Variants in PSD3 observed in about 807,000 individuals in gnomAD.
PSD3 encodes pleckstrin and Sec7 domain containing 3, also known as PH and SEC7 domain-containing protein 3.
PSD3 carries 49 observed loss-of-function variants against 105.5 expected under a neutral mutation model. The observed-to-expected ratio is 0.46, with a 90% confidence interval of 0.37 to 0.59. The LOEUF is 0.59. PSD3 is among the 20% of genes least tolerant of loss of function. The pLI, the probability that PSD3 is intolerant of heterozygous loss-of-function variation, is 0.00. For synonymous variants in PSD3, 557 were observed against 457.8 expected, an observed-to-expected ratio of 1.22 and a Z score of -2.77; for missense variants, 1,561 against 1,263.8, an observed-to-expected ratio of 1.24 and a Z score of -3.57.
intron 1 of PSD3, among the ~76,000 whole-genome samples, chr8:18,973,778 G>A (rs10503641): frequency 0.18 from 28,082 of 152,204 alleles, 3,062 homozygotes; most frequent in Non-Finnish European, 0.24. Context: ...TGGACTAGAT[G>A]AAGTTTAAGC....
rs547539697 is a variant in PSD3, at chr8:18,531,493, C to T, written c.*4250G>A. The T allele has an allele frequency of 6.6e-5, 10 of 152,308 alleles. No homozygotes were observed. The highest frequency in any genetic ancestry group is 3.9e-4 in the East Asian group (2 of 5,188). The allele number at this position is 152,308 out of a possible 1,614,324, so 9.4% of individuals were successfully genotyped here. On this transcript the variant is annotated 3_prime_UTR_variant, in exon 16 of 16. Coordinates refer to ENST00000327040, the MANE Select transcript of PSD3 (RefSeq NM_015310.4). Reference sequence around the variant, plus strand: ...GCCCCTCTCTATTGCTATCAATAATCTATCACGGGGTTATTCTGTGATGAT... The same window carrying T: ...GCCCCTCTCTATTGCTATCAATAATTTATCACGGGGTTATTCTGTGATGAT...
intron 1 of PSD3, among the ~76,000 whole-genome samples, chr8:19,004,484 A>C (rs1419524927): frequency 6.6e-6 from 1 of 152,130 alleles, no homozygotes; most frequent in Non-Finnish European, 1.5e-5. Flanking sequence ...CAGGAAGAAG[A>C]AACAGAAAAG....
intron 1 of PSD3, among the ~76,000 whole-genome samples, chr8:18,966,952 T>C (rs1824296286): frequency 6.6e-6 from 1 of 152,156 alleles, no homozygotes; most frequent in Non-Finnish European, 1.5e-5. Flanking sequence ...CACTTTGCTA[T>C]TAAGTGTAGT....
chr8:18,624,843 A>G (rs1003569274), intron 11 of PSD3, among the ~76,000 whole-genome samples: 2 of 151,990 alleles, frequency 1.3e-5, no homozygotes, highest in African/African-American at 2.4e-5. Context: ...CTTTACTTTT[A>G]GTGTAATTAT....
At chr8:19,009,800 A>G (rs979005062) in intron 1 of PSD3, among the ~76,000 whole-genome samples, 2 of 149,316 alleles carry the variant, frequency 1.3e-5, no homozygotes, top group Non-Finnish European at 2.9e-5. Flanking sequence ...CTGAGACAGG[A>G]GAATTGCTTG....
intron 9 of PSD3, among the ~76,000 whole-genome samples, chr8:18,752,387 T>A (rs1479183023): frequency 7.0e-6 from 1 of 142,760 alleles, no homozygotes; most frequent in African/African-American, 2.6e-5. Context: ...TCCTTAAGAA[T>A]ACTGGAAGGA....
chr8:18,734,758 G>A lies in PSD3; in HGVS notation c.2172+30691C>T, dbSNP rs553667027. Among the ~76,000 whole-genome samples, 7 of 152,238 alleles carry A rather than the reference G, an allele frequency of 4.6e-5. No individual in the cohort carries two copies. The South Asian group carries it at 8.3e-4, about 18-fold the overall frequency. On this transcript the variant is annotated intron_variant, in intron 9 of 15. Transcript: ENST00000327040. ...TCTCCAGCTTTAAGCCTGTGAACCC[G>A]TAACTGTAAATATAAAAGTCAACAA...
In PSD3 at chr8:18,936,258, C is replaced by T. The variant is rs375153139; in HGVS notation, c.22-116G>A. The T allele has an allele frequency of 2.9e-5, 19 of 658,996 alleles. 1 individual carries two copies. The highest frequency in any genetic ancestry group is 1.8e-4 in the African/African-American group (10 of 55,774). 40.8% of individuals were successfully genotyped at this position (658,996 alleles called of 1,614,324 possible). A position where few individuals can be genotyped will look rare whatever the true frequency, so the allele number is the denominator to read the frequency against. Reference sequence around the variant, plus strand: ...ATAATTATGACATATGTACTCAAAGCTATCTAACCATTCAAAATGAAACAT... The same window carrying T: ...ATAATTATGACATATGTACTCAAAGTTATCTAACCATTCAAAATGAAACAT... On this transcript the variant is annotated intron_variant, in intron 1 of 15. Coordinates refer to ENST00000327040, the MANE Select transcript of PSD3 (RefSeq NM_015310.4).
intron 9 of PSD3, among the ~76,000 whole-genome samples, chr8:18,665,806 G>A (rs887762145): frequency 2.0e-5 from 3 of 152,186 alleles, no homozygotes; most frequent in East Asian, 1.9e-4. Context: ...AGCTGTGATC[G>A]TGCCACTGCA....
At chr8:18,935,895 G>C (rs1346042162) in intron 2 of PSD3, 139 bp downstream of exon 2, 1 of 575,078 alleles carries the variant, frequency 1.7e-6, no homozygotes, top group African/African-American at 1.8e-5. Context: ...TACATCTTGG[G>C]AAGATTGTTT....
intron 9 of PSD3, among the ~76,000 whole-genome samples, chr8:18,678,411 C>T (rs1800188676): frequency 6.6e-6 from 1 of 152,180 alleles, no homozygotes; most frequent in South Asian, 2.1e-4. Context: ...CCATCAACTT[C>T]TTTTAAAAAA....
rs751450102 is a variant in PSD3 at position 18,575,248 on chromosome 8, T to C, written c.2519A>G (p.Asp840Gly). 2 of 1,612,860 alleles carry C rather than the reference T, an allele frequency of 1.2e-6. No homozygotes were observed. Among genetic ancestry groups the C allele is most frequent in the Non-Finnish European group, 1.7e-6 (2 of 1,179,392 alleles). The stretch of plus-strand genomic sequence containing the variant: ...GTGCACACTCACAGCGTTTTTCAAG[T>C]CCTCTTCAGACAAGGCCTTTTCTGG... ...YKPEKALSEE[D>G]LKNAVSVHHA... Residue 840 changes from aspartate to glycine, a missense_variant, in exon 13 of 16, where the codon GAC becomes GGC. Physicochemically the swap from Asp to Gly is moderately conservative, Grantham distance 94 (BLOSUM62 -1). Transcript: ENST00000327040.
intron 12 of PSD3, among the ~76,000 whole-genome samples, chr8:18,588,739 T>C (rs1161269364): frequency 6.6e-6 from 1 of 152,184 alleles, no homozygotes; most frequent in Non-Finnish European, 1.5e-5. Context: ...GTTTACAAAG[T>C]TGTTCCCTTG....
At chr8:18,867,512 T>C (rs1350288743) in intron 4 of PSD3, among the ~76,000 whole-genome samples, 162 bp downstream of exon 4, 1 of 152,180 alleles carries the variant, frequency 6.6e-6, no homozygotes, top group East Asian at 1.9e-4. Context: ...CTAAGGTGTG[T>C]CTTTCCTGCC....
intron 12 of PSD3, among the ~76,000 whole-genome samples, chr8:18,593,640 T>G (rs1381011214): frequency 6.6e-6 from 1 of 151,990 alleles, no homozygotes; most frequent in Non-Finnish European, 1.5e-5. Context: ...ACCCAAAGGA[T>G]TATAAATCAT....
Position 18,558,698 on chromosome 8 carries a change from G to A in PSD3, c.2785-2346C>T, listed in dbSNP as rs528847785. 3.9e-5 allele frequency among the ~76,000 whole-genome samples: 6 copies of A among 152,292 alleles called. No individual in the cohort carries two copies. In the South Asian group the frequency reaches 1.2e-3, roughly 32 times the overall value. ...TAGCCAGGCGTGGTAGCACGTGCCT[G>A]TAATCCCAGTGACTCAGGAGGCTGA... On this transcript the variant is annotated intron_variant, in intron 14 of 15. Transcript: ENST00000327040.
At chr8:18,763,831 A>G (rs1241521006) in intron 9 of PSD3, among the ~76,000 whole-genome samples, 1 of 152,180 alleles carries the variant, frequency 6.6e-6, no homozygotes, top group Non-Finnish European at 1.5e-5. Flanking sequence ...ACTTCACTTG[A>G]CAATTACCAT....
chr8:19,018,891 T>G (rs2059656), intron 1 of PSD3, among the ~76,000 whole-genome samples: 149,339 of 152,194 alleles, frequency 0.98, 73,333 homozygotes, highest in Middle Eastern at 1. Flanking sequence ...CCGCCTCCCG[T>G]GTTCAAGCAG....
intron 9 of PSD3, among the ~76,000 whole-genome samples, chr8:18,758,581 G>A (rs967737326): frequency 2.6e-5 from 4 of 151,994 alleles, no homozygotes; most frequent in Admixed American, 1.3e-4. Context: ...TGATTAAAAA[G>A]CCTAATGGTT....
Sources: allele counts gnomAD v4.1 joint callset (sites outside exome capture counted in the v4.1 genomes callset), GRCh38; gene constraint gnomAD v4.1.1; transcripts MANE v1.5; gene names NCBI Gene and HGNC (gene_info 2026-07-23, HGNC 2026-07-21).